RXRG: variants seen among roughly 807,000 people sequenced by gnomAD.
RXRG encodes the protein retinoic acid receptor RXR-gamma.
In RXRG, 19 loss-of-function variants were observed where a neutral mutation model predicts 49.2. That is an observed-to-expected ratio of 0.39 (90% CI 0.27 to 0.57). The LOEUF (loss-of-function observed/expected upper bound fraction) is 0.57. Ranked by LOEUF, RXRG falls within the 20% of genes least tolerant of loss-of-function variation. The pLI is 0.64. For missense variants in RXRG, 452 were observed against 592.5 expected (o/e 0.76, Z 2.46); for synonymous variants, 224 against 216.6 (o/e 1.03, Z -0.30).
chr1:165,439,302 G>A (rs901469566), intron 1 of RXRG, among the ~76,000 whole-genome samples: 4 of 150,896 alleles, frequency 2.7e-5, no homozygotes, highest in African/African-American at 9.7e-5. Context: ...TGGGAGCGAG[G>A]GGAGGAGGGG....
chr1:165,416,907 TG>T, intron 4 of RXRG, 133 bp downstream of exon 4: 1 of 824,368 alleles, frequency 1.2e-6, no homozygotes, highest in Non-Finnish European at 1.9e-6. Context: ...TTTAGAGCCC[TG>T]TGGGAAAGAA....
chr1:165,408,355 T>C, intron 7 of RXRG, 37 bp from the exon 8 acceptor site: 1 of 1,456,030 alleles, frequency 6.9e-7, no homozygotes, highest in Non-Finnish European at 9.7e-7. Flanking sequence ...GAGAAAACCG[T>C]AAGTAACAGG....
intron 9 of RXRG, among the ~76,000 whole-genome samples, chr1:165,405,432 C>T (rs1657713784): frequency 6.6e-6 from 1 of 152,228 alleles, no homozygotes; most frequent in Non-Finnish European, 1.5e-5. Flanking sequence ...CTTCGGCATA[C>T]AACAGGATAC....
At chr1:165,405,650 T>C (rs1286724286) in intron 9 of RXRG, among the ~76,000 whole-genome samples, 1 of 152,202 alleles carries the variant, frequency 6.6e-6, no homozygotes, top group African/African-American at 2.4e-5. Context: ...AAAAGGAGTC[T>C]TGGTCCCTGA....
intron 7 of RXRG, among the ~76,000 whole-genome samples, 156 bp downstream of exon 7, chr1:165,409,402 G>A (rs538129292): frequency 3.9e-4 from 60 of 152,198 alleles, no homozygotes; most frequent in Non-Finnish European, 5.9e-4. Context: ...ATGGTCATGT[G>A]TAGCTAACTG....
Position 165,401,276 on chromosome 1 carries a change from A to T in RXRG, c.1379T>A (p.Leu460Gln), listed in dbSNP as rs373148482. 6 of 1,614,088 alleles carry T rather than the reference A, an allele frequency of 3.7e-6. No individual in the cohort carries two copies. Among genetic ancestry groups the T allele is most frequent in the Non-Finnish European group, 5.1e-6 (6 of 1,179,996 alleles). Residue 460 changes from leucine (L) to glutamine (Q), a missense_variant, in exon 10 of 10, where the codon CTG becomes CAG. Around this residue, in one of 2 missense-constraint regions of RXRG, gnomAD observed 286 missense variants for 440.9 expected, o/e 0.65. Coordinates refer to ENST00000359842, the MANE Select transcript of RXRG (RefSeq NM_006917.5). ...GGCTGGTGGGGCTCAGGTGATCTGC[A>T]GCGGGGTCTCCAACATCTCCATGAG... ...TFLMEMLETP[L>Q]QIT
chr1:165,425,186 C>T (rs1355727646), intron 2 of RXRG, among the ~76,000 whole-genome samples: 4 of 152,238 alleles, frequency 2.6e-5, no homozygotes, highest in African/African-American at 9.6e-5. Context: ...CCATGTTTGG[C>T]TCAATCAGAC....
chr1:165,407,382 G>A (rs1330545084), intron 8 of RXRG, among the ~76,000 whole-genome samples: 2 of 152,150 alleles, frequency 1.3e-5, no homozygotes, highest in Non-Finnish European at 2.9e-5. Context: ...ACCACAGCAG[G>A]GTTTGCTGGA....
At chr1:165,410,612 C>A in intron 6 of RXRG, 90 bp downstream of exon 6, 2 of 1,430,600 alleles carry the variant, frequency 1.4e-6, no homozygotes, top group Non-Finnish European at 9.7e-7. Flanking sequence ...ATAGCTTGGA[C>A]ATGTTGCAGC....
intron 4 of RXRG, among the ~76,000 whole-genome samples, chr1:165,415,659 G>C (rs1313331441): frequency 6.6e-6 from 1 of 152,176 alleles, no homozygotes; most frequent in East Asian, 1.9e-4. Context: ...GAAAAAAGAG[G>C]GGAGTCAATG....
At chr1:165,440,454 T>C (rs1274829567) in intron 1 of RXRG, among the ~76,000 whole-genome samples, 3 of 152,220 alleles carry the variant, frequency 2.0e-5, no homozygotes, top group Non-Finnish European at 2.9e-5. Context: ...TACTTACCAA[T>C]TGAGCATCTA....
chr1:165,426,156 G>T (rs543456256), intron 2 of RXRG, among the ~76,000 whole-genome samples: 1 of 152,292 alleles, frequency 6.6e-6, no homozygotes. Context: ...ATCCCCTGTG[G>T]GGCTTTTGCT....
chr1:165,439,353 C>G (rs1377190176), intron 1 of RXRG, among the ~76,000 whole-genome samples: 1 of 151,950 alleles, frequency 6.6e-6, no homozygotes, highest in African/African-American at 2.4e-5. Flanking sequence ...CACTCTCTCC[C>G]TCCCCCTTCC....
chr1:165,414,765 A>T (rs1327583671), intron 4 of RXRG, among the ~76,000 whole-genome samples: 2 of 152,208 alleles, frequency 1.3e-5, no homozygotes, highest in African/African-American at 4.8e-5. Context: ...GGTATTTCAT[A>T]TCGCATGCTC....
chr1:165,406,961 G>A, intron 8 of RXRG, 44 bp from the exon 9 acceptor site: 1 of 1,371,104 alleles, frequency 7.3e-7, no homozygotes, highest in Non-Finnish European at 1.0e-6. Context: ...ACACCCTCCA[G>A]CAGAGGCTGT....
chr1:165,444,817 CG>C, intron 1 of RXRG, 27 bp downstream of exon 1: 1 of 1,606,180 alleles, frequency 6.2e-7, no homozygotes, highest in Non-Finnish European at 8.5e-7. Context: ...TACAGGTCCA[CG>C]CAGTGAAGCC....
intron 4 of RXRG, among the ~76,000 whole-genome samples, chr1:165,414,088 A>G (rs745441452): frequency 9.2e-5 from 14 of 152,220 alleles, no homozygotes; most frequent in Non-Finnish European, 1.9e-4. Context: ...CAGGCTATCC[A>G]GTAGCCTTTT....
chr1:165,437,242 G>A (rs374601992), intron 1 of RXRG: 9 of 1,363,798 alleles, frequency 6.6e-6, no homozygotes, highest in Admixed American at 1.9e-5. Flanking sequence ...CAGCCAGCAC[G>A]CCTGGCTAAG....
At chr1:165,414,894 T>C (rs757947135) in intron 4 of RXRG, among the ~76,000 whole-genome samples, 2 of 152,234 alleles carry the variant, frequency 1.3e-5, no homozygotes, top group Non-Finnish European at 2.9e-5. Flanking sequence ...CCTGCACTTC[T>C]AAAACTTCTG....
Sources: gnomAD v4.1 joint callset for allele counts (sites outside exome capture counted in the v4.1 genomes callset) on GRCh38, gnomAD v4.1.1 for gene constraint, gnomAD v4.1.1 regional missense constraint, MANE v1.5 for transcripts, NCBI Gene and HGNC (gene_info 2026-07-23, HGNC 2026-07-21) for gene names.